Variants in SEMA4F observed in about 807,000 individuals in gnomAD.
SEMA4F encodes semaphorin-4F.
SEMA4F carries 51 observed loss-of-function variants against 78.4 expected under a neutral mutation model. That is an observed-to-expected ratio of 0.65 (90% confidence interval 0.52 to 0.82). SEMA4F has a LOEUF of 0.82. Ranked by LOEUF, SEMA4F falls within the 40% of genes least tolerant of loss-of-function variation. The pLI is 0.00. For synonymous variants in SEMA4F, 418 were observed against 408.7 expected (o/e 1.02, Z -0.27); for missense variants, 938 against 1,014.4 (o/e 0.92, Z 1.02).
chr2:74,673,615 G>T (rs1242203940), intron 6 of SEMA4F, 39 bp downstream of exon 6: 28 of 1,613,456 alleles, frequency 1.7e-5, no homozygotes, highest in Non-Finnish European at 2.0e-5. Flanking sequence ...GAGACCGATG[G>T]GGTGGAGTCT....
the SEMA4F span, among the ~76,000 whole-genome samples, chr2:74,701,903 C>T: frequency 3.9e-4 from 60 of 152,280 alleles, no homozygotes; most frequent in African/African-American, 1.3e-3. Flanking sequence ...AAAAGGTAAT[C>T]CCAGAGGTCA....
chr2:74,664,807 A>G (rs1655130116), intron 5 of SEMA4F, among the ~76,000 whole-genome samples: 1 of 152,214 alleles, frequency 6.6e-6, no homozygotes, highest in Non-Finnish European at 1.5e-5. Context: ...GTTAAGAGGT[A>G]GGATATTAGT....
rs199684823 is a variant in SEMA4F, at chr2:74,673,715, G to T, written c.709G>T (p.Glu237Ter). Residue 237 changes from glutamate (E) to a stop codon, truncating the protein, a stop_gained, in exon 7 of 14, where the codon GAA (glutamate) becomes TAA (stop). Transcript: ENST00000357877. LOFTEE classifies it high-confidence loss of function. ...CGCAGCCGTGGCCTTGAGCCCAGCC[G>T]AATGGGGGGATGAAGATGGAGACGA... is the stretch of plus-strand genomic sequence containing the variant. ...FVAAVALSPA[E>*]WGDEDGDDEI... 220 of 1,614,118 alleles carry T rather than the reference G, an allele frequency of 1.4e-4. No individual in the cohort carries two copies. Among genetic ancestry groups the T allele is most frequent in the Non-Finnish European group, 1.8e-4 (211 of 1,180,012 alleles).
At chr2:74,707,659 G>A in the SEMA4F span, among the ~76,000 whole-genome samples, 1,630 of 152,256 alleles carry the variant, frequency 0.011, 31 homozygotes, top group African/African-American at 0.038. Context: ...GACATCAGGT[G>A]ACAAATGACA....
the SEMA4F span, among the ~76,000 whole-genome samples, chr2:74,704,759 C>T: frequency 6.6e-6 from 1 of 152,092 alleles, no homozygotes; most frequent in African/African-American, 2.4e-5. Flanking sequence ...CCCCAGTTGC[C>T]CTCCGAATGG....
the SEMA4F span, among the ~76,000 whole-genome samples, chr2:74,694,203 T>C: frequency 2.6e-5 from 4 of 152,192 alleles, no homozygotes; most frequent in Admixed American, 2.0e-4. Context: ...TTCTTCTTGA[T>C]ATTCATGCTT....
At chr2:74,676,839 A>G (rs1685315543) in intron 12 of SEMA4F, among the ~76,000 whole-genome samples, 1 of 152,194 alleles carries the variant, frequency 6.6e-6, no homozygotes, top group African/African-American at 2.4e-5. Flanking sequence ...AATCCCTGAC[A>G]TTATATCATA....
downstream of SEMA4F, among the ~76,000 whole-genome samples, chr2:74,685,935 T>C (rs1685813712): frequency 6.6e-6 from 1 of 152,144 alleles, no homozygotes; most frequent in African/African-American, 2.4e-5. Flanking sequence ...AAGACATTTA[T>C]GCAGCCAACA....
rs1685550842 is a variant in SEMA4F, at chr2:74,680,356, C to T, written c.*147C>T. ...TTACTTGGATTTTAGTATCTGTTCT[C>T]TCTGAGCCTGGATGGGCTTGGGGCC... On this transcript the variant is annotated 3_prime_UTR_variant, in exon 14 of 14. Transcript: ENST00000357877. 1 of 934,662 alleles carries T rather than the reference C, an allele frequency of 1.1e-6. No individual in the cohort carries two copies. Among genetic ancestry groups the T allele is most frequent in the Non-Finnish European group, 1.5e-6 (1 of 647,468 alleles). The allele number at this position is 934,662 out of a possible 1,614,324, so 57.9% of individuals were successfully genotyped here. A position where few individuals can be genotyped will look rare whatever the true frequency, so the allele number is the denominator to read the frequency against.
At position 74,676,549 on chromosome 2, in the gene SEMA4F, C is replaced by G. The variant is rs1335428512; in HGVS notation, c.1643+640C>G. 2.6e-5 allele frequency among the ~76,000 whole-genome samples: 4 copies of G among 152,186 alleles called. No homozygotes were observed. The East Asian group carries it at 7.7e-4, about 29-fold the overall frequency. ...TGTTTCCTCTTTCTCTCACATGCTC[C>G]TCCTCTGGTCTTCCTCATTCCAGTA... On this transcript the variant is annotated intron_variant, in intron 12 of 13. Transcript: ENST00000357877.
At chr2:74,703,973 T>A in the SEMA4F span, among the ~76,000 whole-genome samples, 1 of 152,106 alleles carries the variant, frequency 6.6e-6, no homozygotes, top group African/African-American at 2.4e-5. Context: ...TAGCCAGGTG[T>A]AAAGTAGGGC....
rs767645201 is a variant in SEMA4F, at chr2:74,656,686, G to A, written c.297+1G>A. 3 of 1,614,128 alleles carry A rather than the reference G, an allele frequency of 1.9e-6. No homozygotes were observed. Among genetic ancestry groups the A allele is most frequent in the Non-Finnish European group, 2.5e-6 (3 of 1,180,026 alleles). ...CTTCTCAGGGGAGAGACCCCGCAGGGTGAGAGACAAGAGAGGGAAGGACCC... is the reference window on the plus strand; with the variant it reads ...CTTCTCAGGGGAGAGACCCCGCAGGATGAGAGACAAGAGAGGGAAGGACCC... On this transcript the variant is annotated splice_donor_variant, in intron 2 of 13. Coordinates refer to ENST00000357877, the MANE Select transcript of SEMA4F (RefSeq NM_004263.5). LOFTEE classifies it high-confidence loss of function.
At position 74,679,719 on chromosome 2, in the gene SEMA4F, C is replaced by A. The variant is rs1279991126; in HGVS notation, c.1823C>A (p.Thr608Asn). ...WHQPSGVTAL[T>N]PRRDGLEVVV... Reference sequence around the variant, plus strand: ...CAGCCCAGTGGAGTGACTGCACTCACCCCCCGGCGGGATGGACTGGAGGTG... The same window carrying A: ...CAGCCCAGTGGAGTGACTGCACTCAACCCCCGGCGGGATGGACTGGAGGTG... Residue 608 changes from threonine (T) to asparagine (N), a missense_variant, in exon 14 of 14, where the codon ACC becomes AAC. Transcript: ENST00000357877. 6.2e-7 allele frequency: 1 copy of A among 1,613,962 alleles called. No homozygotes were observed. Among genetic ancestry groups the A allele is most frequent in the Admixed American group, 1.7e-5 (1 of 60,014 alleles).
At chr2:74,662,022 C>T (rs375571927) in intron 4 of SEMA4F, among the ~76,000 whole-genome samples, 1 of 152,208 alleles carries the variant, frequency 6.6e-6, no homozygotes, top group East Asian at 1.9e-4. Flanking sequence ...TAACTTCTGG[C>T]TGGCCCTGAT....
At chr2:74,674,301 T>A (rs1685146032) in intron 7 of SEMA4F, among the ~76,000 whole-genome samples, 197 bp from the exon 8 acceptor site, 1 of 152,196 alleles carries the variant, frequency 6.6e-6, no homozygotes, top group Non-Finnish European at 1.5e-5. Context: ...CTGTCATTGT[T>A]ATTGTGACCC....
At chr2:74,686,838 G>C (rs1461408465), downstream of SEMA4F, among the ~76,000 whole-genome samples, 1 of 151,606 alleles carries the variant, frequency 6.6e-6, no homozygotes, top group Non-Finnish European at 1.5e-5. Context: ...GACAACACAT[G>C]GACACAGGGC....
rs1685700699 is a variant in SEMA4F at position 74,682,942 on chromosome 2, T to C, written c.*2733T>C. On this transcript the variant is annotated 3_prime_UTR_variant, in exon 14 of 14. Coordinates refer to ENST00000357877, the MANE Select transcript of SEMA4F (RefSeq NM_004263.5). The stretch of plus-strand genomic sequence containing the variant: ...CCTAAGTCTGCCTACCCTGCCTCAG[T>C]CATTCCTTCCAATGGAAACCACAAT... 6.6e-6 allele frequency: 1 copy of C among 152,246 alleles called. No homozygotes were observed. The allele number at this position is 152,246 out of a possible 1,614,324, so 9.4% of individuals were successfully genotyped here.
chr2:74,693,218 A>G, the SEMA4F span, among the ~76,000 whole-genome samples: 1 of 152,246 alleles, frequency 6.6e-6, no homozygotes, highest in Admixed American at 6.5e-5. Context: ...CATCCTGCAT[A>G]GGATTCTGTT....
chr2:74,707,656 G>A, the SEMA4F span, among the ~76,000 whole-genome samples: 1 of 152,108 alleles, frequency 6.6e-6, no homozygotes, highest in Non-Finnish European at 1.5e-5. Context: ...ATGGACATCA[G>A]GTGACAAATG....
Sources: gnomAD v4.1 joint callset for allele counts (sites outside exome capture counted in the v4.1 genomes callset) on GRCh38, gnomAD v4.1.1 for gene constraint, MANE v1.5 for transcripts, NCBI Gene and HGNC (gene_info 2026-07-23, HGNC 2026-07-21) for gene names.